The following ARHGEF28 variants were observed in gnomAD, a reference collection of about 807,000 sequenced individuals.
ARHGEF28 encodes 190 kDa guanine nucleotide exchange factor.
A neutral mutation model predicts 206.6 loss-of-function variants in ARHGEF28; 152 were observed. The ratio of observed to expected loss-of-function variants is 0.74; its 90% CI spans 0.64 to 0.84. The LOEUF is 0.84. Ranked by LOEUF, ARHGEF28 falls within the 40% of genes least tolerant of loss-of-function variation. ARHGEF28 has a pLI of 0.00. For missense variants in ARHGEF28, 2,028 were observed against 2,073.2 expected, an observed-to-expected ratio of 0.98 and a Z score of 0.42; for synonymous variants, 763 against 776.4, an observed-to-expected ratio of 0.98 and a Z score of 0.29.
intron 35 of ARHGEF28, among the ~76,000 whole-genome samples, chr5:73,938,054 A>G (rs1000305636): frequency 6.6e-6 from 1 of 152,124 alleles, no homozygotes; most frequent in African/African-American, 2.4e-5. Context: ...TGGAATTACA[A>G]CATGGGCTGT....
intron 2 of ARHGEF28, among the ~76,000 whole-genome samples, chr5:73,711,882 G>A (rs772980302): frequency 2.0e-5 from 3 of 151,238 alleles, no homozygotes; most frequent in Non-Finnish European, 4.4e-5. Context: ...TTTTGATCTT[G>A]GTGGGAAAGC....
At chr5:73,689,783 A>C (rs538287060) in intron 2 of ARHGEF28, among the ~76,000 whole-genome samples, 4,336 of 152,140 alleles carry the variant, frequency 0.029, 226 homozygotes, top group African/African-American at 0.099. Context: ...AAAAAACAAA[A>C]AAAAAAAACA....
At chr5:73,925,591 C>G (rs1056959891) in intron 35 of ARHGEF28, among the ~76,000 whole-genome samples, 2 of 152,210 alleles carry the variant, frequency 1.3e-5, no homozygotes, top group Non-Finnish European at 2.9e-5. Context: ...CTCTGTCACC[C>G]TAGAAAGTTC....
rs191857177 is a variant in ARHGEF28 at position 73,912,906 on chromosome 5, T to G, written c.4948+1331T>G. Among the ~76,000 whole-genome samples, 29 of 152,326 alleles carry G rather than the reference T, an allele frequency of 1.9e-4. No homozygotes were observed. In the East Asian group the frequency reaches 5.0e-3, roughly 26 times the overall value. ...TGTCAGCATGGTTTTACATACTGGC[T>G]TTGGTATAATTCCGAAACTCAGTTT... On this transcript the variant is annotated intron_variant, in intron 35 of 35. Coordinates refer to ENST00000513042, the MANE Select transcript of ARHGEF28 (RefSeq NM_001177693.2).
chr5:73,840,859 C>G (rs979201570), intron 11 of ARHGEF28, 99 bp downstream of exon 11: 7 of 1,285,408 alleles, frequency 5.4e-6, no homozygotes, highest in African/African-American at 1.5e-5. Flanking sequence ...GTCTCTACCA[C>G]TTTTATTTGC....
chr5:73,732,755 G>T (rs1750691922), intron 2 of ARHGEF28, among the ~76,000 whole-genome samples: 1 of 151,894 alleles, frequency 6.6e-6, no homozygotes, highest in African/African-American at 2.4e-5. Flanking sequence ...TTTTAATAAG[G>T]GCTTAATATA....
intron 2 of ARHGEF28, among the ~76,000 whole-genome samples, chr5:73,737,714 A>C (rs1751086499): frequency 6.6e-6 from 1 of 151,832 alleles, no homozygotes; most frequent in South Asian, 2.1e-4. Flanking sequence ...AAGGGGTTTC[A>C]CCATATTGGC....
chr5:73,724,034 C>A (rs1476369396), intron 2 of ARHGEF28, among the ~76,000 whole-genome samples: 1 of 152,218 alleles, frequency 6.6e-6, no homozygotes, highest in Non-Finnish European at 1.5e-5. Context: ...GTACCTGTGC[C>A]AGGGTCTGCG....
At chr5:73,678,452 C>T (rs941953613) in intron 1 of ARHGEF28, among the ~76,000 whole-genome samples, 16 of 152,246 alleles carry the variant, frequency 1.1e-4, no homozygotes, top group Admixed American at 1.0e-3. Flanking sequence ...CATTGTCTAG[C>T]CCTTGACATT....
chr5:73,665,024 A>C (rs1452031867), intron 1 of ARHGEF28, among the ~76,000 whole-genome samples: 2 of 151,978 alleles, frequency 1.3e-5, no homozygotes, highest in East Asian at 3.9e-4. Flanking sequence ...TTTGTCTCCT[A>C]ATATCTCTTG....
intron 1 of ARHGEF28, among the ~76,000 whole-genome samples, chr5:73,647,623 G>T (rs944588449): frequency 1.3e-5 from 2 of 152,226 alleles, no homozygotes; most frequent in African/African-American, 4.8e-5. Flanking sequence ...ATTTCAATAT[G>T]TAGGACTAGC....
chr5:73,892,026 T>G (rs1360485224), intron 26 of ARHGEF28, 26 bp from the exon 27 acceptor site: 1 of 1,581,180 alleles, frequency 6.3e-7, no homozygotes, highest in Non-Finnish European at 8.6e-7. Flanking sequence ...TGCTGTTTCA[T>G]CTGCTCACCT....
chr5:73,688,266 A>T (rs1239072644), intron 2 of ARHGEF28, among the ~76,000 whole-genome samples: 2 of 152,204 alleles, frequency 1.3e-5, no homozygotes, highest in Non-Finnish European at 2.9e-5. Context: ...AAATTGATTG[A>T]AATTATTCCC....
intron 9 of ARHGEF28, among the ~76,000 whole-genome samples, chr5:73,807,308 A>G (rs1755569756): frequency 6.6e-6 from 1 of 152,124 alleles, no homozygotes; most frequent in Non-Finnish European, 1.5e-5. Flanking sequence ...AGAACAACTG[A>G]GCAAATTTTT....
chr5:73,824,727 C>G (rs991281950), intron 9 of ARHGEF28, among the ~76,000 whole-genome samples: 2 of 152,098 alleles, frequency 1.3e-5, no homozygotes, highest in African/African-American at 4.8e-5. Flanking sequence ...CTTGGCCTCC[C>G]AAAGTGCTGG....
At chr5:73,923,889 C>A (rs1219671243) in intron 35 of ARHGEF28, among the ~76,000 whole-genome samples, 4 of 152,180 alleles carry the variant, frequency 2.6e-5, no homozygotes, top group Non-Finnish European at 5.9e-5. Context: ...CAAACCCTAG[C>A]TTCTTCTGGT....
intron 9 of ARHGEF28, among the ~76,000 whole-genome samples, chr5:73,831,804 T>A: frequency 6.6e-6 from 1 of 152,328 alleles, no homozygotes; most frequent in South Asian, 2.1e-4. Flanking sequence ...TGCTTCTCCT[T>A]TGTCAGCCTC....
At chr5:73,733,777 TATCTC>T (rs1382205029) in intron 2 of ARHGEF28, among the ~76,000 whole-genome samples, 38 of 152,022 alleles carry the variant, frequency 2.5e-4, no homozygotes, top group Admixed American at 2.4e-3. Flanking sequence ...AAAGAAGAAA[TATCTC>T]AGAGTGGGTA....
intron 7 of ARHGEF28, among the ~76,000 whole-genome samples, chr5:73,790,521 G>C (rs568710149): frequency 5.9e-4 from 89 of 152,122 alleles, no homozygotes; most frequent in Non-Finnish European, 4.3e-4. Flanking sequence ...TGCTCAGTAG[G>C]GACCAGTGGA....
Sources: gnomAD v4.1 joint callset for allele counts (sites outside exome capture counted in the v4.1 genomes callset) on GRCh38, gnomAD v4.1.1 for gene constraint, MANE v1.5 for transcripts, NCBI Gene and HGNC (gene_info 2026-07-23, HGNC 2026-07-21) for gene names.